Variants in EYS observed in about 807,000 individuals in gnomAD.
The protein encoded by EYS is protein eyes shut homolog.
In EYS, 250 loss-of-function variants were observed where a neutral mutation model predicts 282.1. The observed-to-expected ratio is 0.89, with a 90% CI of 0.80 to 0.98. The LOEUF (loss-of-function observed/expected upper bound fraction) is 0.98, where lower values mean the gene tolerates loss of function less well. Ranked by LOEUF, EYS falls within the 50% of genes least tolerant of loss-of-function variation. EYS has a pLI of 0.00. For missense variants in EYS, 4,016 were observed against 3,709.0 expected (o/e 1.08, Z -2.15); for synonymous variants, 1,355 against 1,282.9 (o/e 1.06, Z -1.20).
intron 2 of EYS, among the ~76,000 whole-genome samples, chr6:65,535,661 C>T (rs926089740): frequency 8.5e-5 from 13 of 152,114 alleles, no homozygotes; most frequent in African/African-American, 3.1e-4. Context: ...GGCCAATATT[C>T]CAGTCTGAAG....
In EYS at chr6:65,494,896, TG is replaced by T. The variant is rs1172971072; in HGVS notation, c.514del (p.Gln172SerfsTer7). The T allele has an allele frequency of 6.2e-7, 1 of 1,613,956 alleles. No homozygotes were observed. Among genetic ancestry groups the T allele is most frequent in the Non-Finnish European group, 8.5e-7 (1 of 1,179,952 alleles). On this transcript the variant is annotated frameshift_variant, in exon 4 of 43. Transcript: ENST00000503581. LOFTEE classifies it high-confidence loss of function. ...GLRLNVTVKQ[Q>X]FCQESLSSEF... is the part of the protein sequence containing the mutation. ...TGAACTCAGAGATTCCTGGCAGAAC[TG>T]CTGTTTCACTGTCACATTTAGTCGA...
intron 28 of EYS, among the ~76,000 whole-genome samples, chr6:64,390,515 C>A (rs1424168347): frequency 1.3e-5 from 2 of 151,552 alleles, no homozygotes; most frequent in East Asian, 3.9e-4. Flanking sequence ...CAGGGGCACA[C>A]TGACACCTCA....
intron 1 of EYS, among the ~76,000 whole-genome samples, chr6:65,663,333 G>T (rs1768071610): frequency 1.3e-5 from 2 of 152,096 alleles, no homozygotes; most frequent in South Asian, 4.1e-4. Flanking sequence ...TAGAAAGATT[G>T]TTAGAGCCAT....
At chr6:64,003,685 G>T (rs923750108) in intron 33 of EYS, among the ~76,000 whole-genome samples, 1 of 152,088 alleles carries the variant, frequency 6.6e-6, no homozygotes, top group Non-Finnish European at 1.5e-5. Context: ...ATATGGTTTG[G>T]CTGTGTTTCC....
intron 12 of EYS, among the ~76,000 whole-genome samples, chr6:65,246,556 G>A (rs1056483080): frequency 6.6e-6 from 1 of 152,000 alleles, no homozygotes; most frequent in Non-Finnish European, 1.5e-5. Context: ...CAGAAGCTTG[G>A]TGGTCACTGG....
intron 19 of EYS, among the ~76,000 whole-genome samples, chr6:64,869,186 T>C (rs1583241543): frequency 6.6e-6 from 1 of 151,550 alleles, no homozygotes; most frequent in South Asian, 2.1e-4. Context: ...CTTGTGAGCT[T>C]AACAGAAATA....
rs372717729 is a variant in EYS, at chr6:64,815,351, A to G, written c.3244-1774T>C. 360 of 284,428 alleles carry G rather than the reference A, an allele frequency of 1.3e-3. 6 individuals carry two copies. The highest frequency in any genetic ancestry group is 7.5e-3 in the African/African-American group (331 of 44,068). 17.6% of individuals were successfully genotyped at this position (284,428 alleles called of 1,614,324 possible). ...GGCATGGAAACATGTTTCTCCCCTA[A>G]CTCTGTTTCTAGATATGTATAGAAT... is the stretch of plus-strand genomic sequence containing the variant. On this transcript the variant is annotated intron_variant, in intron 21 of 42. Transcript: ENST00000503581.
At chr6:64,142,780 A>G (rs4407692) in intron 31 of EYS, among the ~76,000 whole-genome samples, 56,589 of 151,902 alleles carry the variant, frequency 0.37, 10,812 homozygotes, top group East Asian at 0.51. Context: ...AATTAGTTTA[A>G]TGGTGGTATG....
intron 35 of EYS, among the ~76,000 whole-genome samples, chr6:63,875,326 T>A (rs1191463321): frequency 6.6e-6 from 1 of 152,172 alleles, no homozygotes; most frequent in Non-Finnish European, 1.5e-5. Context: ...TGAAGCCAAC[T>A]TGATCATGGT....
At chr6:64,343,428 G>A (rs1310026200) in intron 29 of EYS, among the ~76,000 whole-genome samples, 2 of 152,020 alleles carry the variant, frequency 1.3e-5, no homozygotes, top group Non-Finnish European at 2.9e-5. Context: ...CAACTACATG[G>A]AAACTGAACA....
At chr6:65,301,793 G>T (rs1427927444) in intron 11 of EYS, among the ~76,000 whole-genome samples, 1 of 152,208 alleles carries the variant, frequency 6.6e-6, no homozygotes, top group South Asian at 2.1e-4. Context: ...CCCATAATTG[G>T]TGCGGATTCC....
chr6:65,018,430 C>G (rs1042080025), intron 13 of EYS, among the ~76,000 whole-genome samples: 2 of 152,204 alleles, frequency 1.3e-5, no homozygotes, highest in Non-Finnish European at 2.9e-5. Context: ...CAATATTTGT[C>G]TGTGTCTAAG....
chr6:64,965,647 AC>A, intron 14 of EYS, among the ~76,000 whole-genome samples: 1 of 152,106 alleles, frequency 6.6e-6, no homozygotes, highest in Non-Finnish European at 1.5e-5. Flanking sequence ...ATCATCCCTA[AC>A]TTTTTTCATT....
At chr6:65,619,230 G>C (rs1235841400) in intron 2 of EYS, among the ~76,000 whole-genome samples, 1 of 151,296 alleles carries the variant, frequency 6.6e-6, no homozygotes, top group Non-Finnish European at 1.5e-5. Flanking sequence ...TTATTTCATT[G>C]AGCAGTGGTT....
Position 64,593,208 on chromosome 6 carries a change from T to A in EYS, c.3786A>T (p.Thr1262=). The change falls in exon 25 of 43, where the codon ACA becomes ACT. Residue 1262 remains threonine (T), a synonymous_variant. Transcript: ENST00000503581. ...RTDPISTQTY[T]IPPSETLVSS... ...TGACCAAAGTCTCAGAAGGGGGAATTGTATATGTCTGTGTGGAAATGGGAT... is the reference window on the plus strand; with the variant it reads ...TGACCAAAGTCTCAGAAGGGGGAATAGTATATGTCTGTGTGGAAATGGGAT... 6.5e-7 allele frequency: 1 copy of A among 1,549,482 alleles called. No homozygotes were observed. Among genetic ancestry groups the A allele is most frequent in the Non-Finnish European group, 8.7e-7 (1 of 1,145,914 alleles).
chr6:65,584,084 C>T (rs905469852), intron 2 of EYS, among the ~76,000 whole-genome samples: 2 of 151,818 alleles, frequency 1.3e-5, no homozygotes, highest in Admixed American at 6.6e-5. Context: ...GAGAAAAACA[C>T]AACTGAAAAA....
chr6:64,854,214 T>C (rs890307460), intron 19 of EYS, among the ~76,000 whole-genome samples: 40 of 152,256 alleles, frequency 2.6e-4, no homozygotes, highest in Admixed American at 4.6e-4. Flanking sequence ...GATCTACAAC[T>C]AGAAATACCA....
chr6:64,858,354 T>A (rs1281876077), intron 19 of EYS, among the ~76,000 whole-genome samples: 1 of 152,176 alleles, frequency 6.6e-6, no homozygotes, highest in Non-Finnish European at 1.5e-5. Context: ...GGGGAGACTA[T>A]CCTTTCTCTA....
intron 1 of EYS, among the ~76,000 whole-genome samples, chr6:65,685,056 T>C (rs970743474): frequency 6.6e-6 from 1 of 151,974 alleles, no homozygotes; most frequent in Non-Finnish European, 1.5e-5. Flanking sequence ...GCTCCTGTTA[T>C]TTTTATGTAG....
Sources: gnomAD v4.1 joint callset for allele counts (sites outside exome capture counted in the v4.1 genomes callset) on GRCh38, gnomAD v4.1.1 for gene constraint, MANE v1.5 for transcripts, NCBI Gene and HGNC (gene_info 2026-07-23, HGNC 2026-07-21) for gene names.